Variants in PLEKHA7 observed in about 807,000 individuals in gnomAD.
PLEKHA7 encodes pleckstrin homology domain-containing family A member 7.
A neutral mutation model predicts 170.0 loss-of-function variants in PLEKHA7; 104 were observed. The observed-to-expected ratio is 0.61, with a 90% CI of 0.52 to 0.72. The LOEUF (loss-of-function observed/expected upper bound fraction) is 0.72, where lower values mean the gene tolerates loss of function less well. Among genes scored for constraint, PLEKHA7 ranks in the 30% least tolerant of loss-of-function variants. The pLI is 0.00. For missense variants in PLEKHA7, 1,615 were observed against 1,671.7 expected (o/e 0.97, Z 0.59); for synonymous variants, 648 against 660.8 (o/e 0.98, Z 0.30).
intron 13 of PLEKHA7, among the ~76,000 whole-genome samples, chr11:16,805,440 A>G (rs1848893243): frequency 6.6e-6 from 1 of 152,034 alleles, no homozygotes; most frequent in Middle Eastern, 3.4e-3. Context: ...TCTCTCTCTC[A>G]GGATATTAGT....
intron 3 of PLEKHA7, among the ~76,000 whole-genome samples, chr11:16,878,221 A>G (rs1318328938): frequency 6.6e-6 from 1 of 152,136 alleles, no homozygotes; most frequent in East Asian, 1.9e-4. Context: ...CTGTACAGCT[A>G]GCACCCTACT....
chr11:16,826,104 T>G lies in PLEKHA7; in HGVS notation c.1343+16A>C. ...TCGTGCTCGTTATAAGCAGCGATCC[T>G]GAGTCTATTACTCACCTCCTGCTAT... On this transcript the variant is annotated intron_variant, in intron 10 of 26. Coordinates refer to ENST00000531066, the MANE Select transcript of PLEKHA7 (RefSeq NM_001329630.2). 7.4e-5 allele frequency: 118 copies of G among 1,605,424 alleles called. No individual in the cohort carries two copies. Among genetic ancestry groups the G allele is most frequent in the Non-Finnish European group, 9.2e-5 (108 of 1,173,264 alleles).
chr11:16,926,554 AG>A (rs899255342), intron 3 of PLEKHA7, among the ~76,000 whole-genome samples: 171 of 152,310 alleles, frequency 1.1e-3, no homozygotes, highest in African/African-American at 3.8e-3. Context: ...CATTGTTGCG[AG>A]GGGATTACAG....
intron 3 of PLEKHA7, among the ~76,000 whole-genome samples, chr11:16,944,543 TA>T (rs34484852): frequency 0.4 from 56,139 of 138,816 alleles, 11,603 homozygotes; most frequent in African/African-American, 0.53. Flanking sequence ...TTCTTCTCCT[TA>T]AAAAAAAAAA....
At chr11:16,894,688 T>G (rs1856889082) in intron 3 of PLEKHA7, among the ~76,000 whole-genome samples, 2 of 152,082 alleles carry the variant, frequency 1.3e-5, no homozygotes, top group East Asian at 3.9e-4. Flanking sequence ...TTGGGGCCCC[T>G]TCTCCCCACA....
At chr11:16,816,390 T>C in intron 11 of PLEKHA7, 126 bp from the exon 12 acceptor site, 3 of 700,960 alleles carry the variant, frequency 4.3e-6, no homozygotes, top group Non-Finnish European at 7.6e-6. Context: ...AGCACACACA[T>C]CTTACTCTCA....
chr11:16,912,646 G>A (rs1427494669), intron 3 of PLEKHA7, among the ~76,000 whole-genome samples: 1 of 151,896 alleles, frequency 6.6e-6, no homozygotes, highest in East Asian at 1.9e-4. Context: ...AACTTCCAAG[G>A]ACAAGCTGGG....
chr11:16,883,008 CT>C (rs1327382336), intron 3 of PLEKHA7, among the ~76,000 whole-genome samples: 15 of 152,108 alleles, frequency 9.9e-5, no homozygotes, highest in Non-Finnish European at 1.6e-4. Flanking sequence ...AAAGAGGAAA[CT>C]GAGGCCCAAA....
intron 3 of PLEKHA7, among the ~76,000 whole-genome samples, chr11:16,994,585 G>A (rs577584882): frequency 9.2e-5 from 14 of 152,218 alleles, no homozygotes; most frequent in African/African-American, 2.2e-4. Flanking sequence ...CAGAGGGCCC[G>A]GTCACAGCCC....
intron 10 of PLEKHA7, among the ~76,000 whole-genome samples, chr11:16,824,441 G>A (rs1045787418): frequency 6.6e-6 from 1 of 152,166 alleles, no homozygotes; most frequent in African/African-American, 2.4e-5. Flanking sequence ...AAATGCCCGA[G>A]GTGATGGACA....
chr11:16,943,385 A>T (rs923421698), intron 3 of PLEKHA7, among the ~76,000 whole-genome samples: 5 of 152,136 alleles, frequency 3.3e-5, no homozygotes, highest in African/African-American at 1.2e-4. Flanking sequence ...ACCTTTCTGG[A>T]CAACACAAAT....
intron 3 of PLEKHA7, among the ~76,000 whole-genome samples, chr11:16,930,911 G>A (rs946203873): frequency 4.6e-5 from 7 of 152,134 alleles, no homozygotes; most frequent in Admixed American, 3.9e-4. Context: ...ACAGCTCAGG[G>A]ACAGAAATGA....
intron 10 of PLEKHA7, among the ~76,000 whole-genome samples, chr11:16,818,868 A>G (rs1323296259): frequency 1.3e-5 from 2 of 151,358 alleles, no homozygotes; most frequent in Non-Finnish European, 2.9e-5. Flanking sequence ...CAGTGGTGCA[A>G]TCTCTGCTCA....
chr11:16,788,761 C>A, intron 23 of PLEKHA7: 1 of 394,766 alleles, frequency 2.5e-6, no homozygotes, highest in Non-Finnish European at 4.7e-6. Flanking sequence ...TTCCTCCTCT[C>A]CTCTCTGAAC....
intron 3 of PLEKHA7, among the ~76,000 whole-genome samples, chr11:17,009,126 G>T (rs1370282032): frequency 6.6e-6 from 1 of 152,130 alleles, no homozygotes; most frequent in Non-Finnish European, 1.5e-5. Context: ...TCTCCTTCAA[G>T]ATGCATGGCC....
At chr11:16,932,201 G>A (rs539287646) in intron 3 of PLEKHA7, among the ~76,000 whole-genome samples, 34 of 151,666 alleles carry the variant, frequency 2.2e-4, no homozygotes, top group South Asian at 1.5e-3. Flanking sequence ...GTATTATTAT[G>A]AAGATTAAAT....
chr11:16,961,803 G>A (rs924512746), intron 3 of PLEKHA7, among the ~76,000 whole-genome samples: 4 of 152,198 alleles, frequency 2.6e-5, no homozygotes, highest in African/African-American at 4.8e-5. Flanking sequence ...CCATTAATTC[G>A]TGATTTAACT....
intron 3 of PLEKHA7, among the ~76,000 whole-genome samples, chr11:16,899,402 A>G (rs1314831139): frequency 6.6e-6 from 1 of 152,192 alleles, no homozygotes; most frequent in Non-Finnish European, 1.5e-5. Context: ...GAGGCTGAGG[A>G]AGGAGAATCG....
At chr11:16,991,410 G>A (rs982593012) in intron 3 of PLEKHA7, among the ~76,000 whole-genome samples, 5 of 152,028 alleles carry the variant, frequency 3.3e-5, no homozygotes, top group African/African-American at 7.2e-5. Context: ...AATATAACAT[G>A]TCTGAGTCAG....
Sources: gnomAD v4.1 joint callset for allele counts (sites outside exome capture counted in the v4.1 genomes callset) on GRCh38, gnomAD v4.1.1 for gene constraint, MANE v1.5 for transcripts, NCBI Gene and HGNC (gene_info 2026-07-23, HGNC 2026-07-21) for gene names.